RBM26: variants seen among roughly 807,000 people sequenced by gnomAD.
RBM26 encodes the protein RNA binding motif protein 26, also known as RNA-binding protein 26.
Under a neutral mutation model 123.6 loss-of-function variants are expected in RBM26, and 30 were observed. The observed-to-expected ratio is 0.24, with a 90% CI of 0.18 to 0.33. The LOEUF is 0.33. RBM26 is among the 10% of genes least tolerant of loss of function. The pLI, the probability that RBM26 is intolerant of heterozygous loss-of-function variation, is 1.00. For missense variants in RBM26, 947 were observed against 1,203.6 expected (o/e 0.79, Z 3.15); for synonymous variants, 400 against 404.4 (o/e 0.99, Z 0.13).
At chr13:79,367,502 G>C (rs544502237) in intron 6 of RBM26, among the ~76,000 whole-genome samples, 1 of 151,648 alleles carries the variant, frequency 6.6e-6, no homozygotes, top group African/African-American at 2.4e-5. Context: ...GGAGGTGTTA[G>C]GGTCATGGGG....
chr13:79,369,768 CTT>C (rs2075691786), intron 5 of RBM26, among the ~76,000 whole-genome samples: 1 of 152,094 alleles, frequency 6.6e-6, no homozygotes. Context: ...TGAAATAAAA[CTT>C]TTTAAACTTT....
intron 1 of RBM26, among the ~76,000 whole-genome samples, chr13:79,394,399 T>C (rs984438608): frequency 4.6e-5 from 7 of 152,258 alleles, no homozygotes; most frequent in African/African-American, 1.7e-4. Flanking sequence ...AAGCCCTAAG[T>C]CCTCTAGAGG....
chr13:79,400,177 G>A (rs1594770993), intron 1 of RBM26, among the ~76,000 whole-genome samples: 1 of 152,190 alleles, frequency 6.6e-6, no homozygotes, highest in East Asian at 1.9e-4. Context: ...AAGAACCACT[G>A]GCATGTATTA....
chr13:79,345,259 G>A (rs1050521353), intron 14 of RBM26, among the ~76,000 whole-genome samples: 1 of 151,844 alleles, frequency 6.6e-6, no homozygotes, highest in African/African-American at 2.4e-5. Flanking sequence ...TCCTTTGGTA[G>A]CAATGCTCCT....
At chr13:79,359,400 C>T (rs1011594597) in intron 10 of RBM26, among the ~76,000 whole-genome samples, 175 bp downstream of exon 10, 2 of 152,102 alleles carry the variant, frequency 1.3e-5, no homozygotes, top group South Asian at 2.1e-4. Context: ...TAAGAAAATG[C>T]TTTTCTAACA....
intron 5 of RBM26, among the ~76,000 whole-genome samples, chr13:79,369,207 G>A (rs1490772716): frequency 1.3e-5 from 2 of 152,004 alleles, no homozygotes; most frequent in African/African-American, 2.4e-5. Flanking sequence ...AGGTAATGCT[G>A]CCATATTTAA....
rs770739650 is a variant in RBM26, at chr13:79,355,387, A to G, written c.1690-3T>C. On this transcript the variant is annotated splice_polypyrimidine_tract_variant and splice_region_variant and intron_variant, in intron 11 of 21. Transcript: ENST00000438737. ...TCAGGATCACCATTATAAGCAACCT[A>G]AGATTTAAAATATTAAGAACAGTGA... 2 of 1,610,392 alleles carry G rather than the reference A, an allele frequency of 1.2e-6. No individual in the cohort carries two copies. The highest frequency in any genetic ancestry group is 1.7e-6 in the Non-Finnish European group (2 of 1,177,852).
At position 79,345,195 on chromosome 13, in the gene RBM26, C is replaced by G. The variant is rs568563779; in HGVS notation, c.2059-401G>C. Among the ~76,000 whole-genome samples, 3 of 152,182 alleles carry G rather than the reference C, an allele frequency of 2.0e-5. No homozygotes were observed. In the South Asian group the frequency reaches 6.2e-4, roughly 32 times the overall value. On this transcript the variant is annotated intron_variant, in intron 14 of 21. Coordinates refer to ENST00000438737, the MANE Select transcript of RBM26 (RefSeq NM_001366735.2). ...CTGGTTGCTGTCCCTCAATTTAACA[C>G]AATCATTTGCAACTTCCAGTACTGA...
At chr13:79,328,327 C>A (rs879378419) in intron 20 of RBM26, among the ~76,000 whole-genome samples, 3 of 151,774 alleles carry the variant, frequency 2.0e-5, no homozygotes, top group Admixed American at 6.6e-5. Context: ...CTGGAACACA[C>A]CCAAATAAAC....
chr13:79,373,465 TATGTATAAA>T (rs1566508170), intron 3 of RBM26, among the ~76,000 whole-genome samples: 1 of 1,174 alleles, frequency 8.5e-4, no homozygotes, highest in African/African-American at 1.8e-3. Flanking sequence ...ATATATATAA[TATGTATAAA>T]TATACAAATA....
intron 9 of RBM26, among the ~76,000 whole-genome samples, chr13:79,359,991 C>CA (rs751288944): frequency 2.4e-4 from 37 of 151,956 alleles, no homozygotes; most frequent in Non-Finnish European, 4.4e-4. Context: ...AAATCTCACA[C>CA]CATCCTGCTC....
Position 79,337,144 on chromosome 13 carries a change from T to C in RBM26, c.2691A>G (p.Ala897=), listed in dbSNP as rs1000110420. The change falls in exon 19 of 22, where the codon GCA becomes GCG. Residue 897 remains alanine (A), a synonymous_variant. Transcript: ENST00000438737. ...DHRPRALEIS[A]FTESDREDLL... ...GATCTTCTCTATCGCTCTCCGTAAATGCAGAAATCTCCAATGCCCTGGGAC... is the reference window on the plus strand; with the variant it reads ...GATCTTCTCTATCGCTCTCCGTAAACGCAGAAATCTCCAATGCCCTGGGAC... The C allele has an allele frequency of 1.2e-6, 2 of 1,613,996 alleles. No individual in the cohort carries two copies. The highest frequency in any genetic ancestry group is 1.7e-6 in the Non-Finnish European group (2 of 1,180,030).
intron 1 of RBM26, among the ~76,000 whole-genome samples, chr13:79,392,292 T>C (rs1027173946): frequency 1.4e-4 from 19 of 138,882 alleles, no homozygotes; most frequent in Admixed American, 8.3e-4. Context: ...ATATAAAATA[T>C]ATAATTAATT....
At chr13:79,367,428 A>AAAAAAAAAAAAAAAAG (rs1566476078) in intron 6 of RBM26, among the ~76,000 whole-genome samples, 1 of 43,406 alleles carries the variant, frequency 2.3e-5, no homozygotes, top group African/African-American at 6.2e-5. Context: ...AAAAAAAAAA[A>AAAAAAAAAAAAAAAAG]AAAAGAAGAA....
Position 79,365,585 on chromosome 13 carries a change from T to C in RBM26, c.1410A>G (p.Pro470=). 4 of 1,611,874 alleles carry C rather than the reference T, an allele frequency of 2.5e-6. No homozygotes were observed. Among genetic ancestry groups the C allele is most frequent in the Non-Finnish European group, 3.4e-6 (4 of 1,178,790 alleles). ...AAAGATTAATTATAGTACCTCTGGG[T>C]GGCAAATCCATATCCCCTGATGTTA... is the stretch of plus-strand genomic sequence containing the variant. ...IGLTSGDMDL[P]PREKPPNKSS... is the part of the protein sequence containing the mutation. Residue 470 remains proline (P), a synonymous_variant, in exon 9 of 22, where the codon CCA becomes CCG. Coordinates refer to ENST00000438737, the MANE Select transcript of RBM26 (RefSeq NM_001366735.2).
chr13:79,378,717 G>C, intron 2 of RBM26, 72 bp downstream of exon 2: 1 of 910,508 alleles, frequency 1.1e-6, no homozygotes, highest in Non-Finnish European at 1.7e-6. Flanking sequence ...TAGGATTACA[G>C]GCGTGAGCCA....
chr13:79,330,135 A>G (rs2069069509), intron 20 of RBM26, among the ~76,000 whole-genome samples: 1 of 152,232 alleles, frequency 6.6e-6, no homozygotes, highest in Admixed American at 6.5e-5. Context: ...TCTATACTAT[A>G]AAATGTACAC....
At chr13:79,312,137 G>C (rs562699266) in exon 5 of RBM26, 1 of 152,132 alleles carries the variant, frequency 6.6e-6, no homozygotes, top group Admixed American at 6.6e-5. Context: ...CATGAAATGG[G>C]ATACTTATGG....
At chr13:79,364,182 A>G (rs1241624745) in intron 9 of RBM26, among the ~76,000 whole-genome samples, 3 of 152,182 alleles carry the variant, frequency 2.0e-5, no homozygotes, top group African/African-American at 7.2e-5. Context: ...AGAGAATTTA[A>G]GAGGAATGGG....
Sources: allele counts gnomAD v4.1 joint callset (sites outside exome capture counted in the v4.1 genomes callset), GRCh38; gene constraint gnomAD v4.1.1; transcripts MANE v1.5; gene names NCBI Gene and HGNC (gene_info 2026-07-23, HGNC 2026-07-21).